The following CCBE1 variants were observed in gnomAD, a reference collection of about 807,000 sequenced individuals.
CCBE1 encodes the protein collagen and calcium binding EGF domains 1, also known as collagen and calcium-binding EGF domain-containing protein 1.
Under a neutral mutation model 50.0 loss-of-function variants are expected in CCBE1, and 37 were observed. The observed-to-expected ratio is 0.74, with a 90% CI of 0.57 to 0.97. The LOEUF (loss-of-function observed/expected upper bound fraction) is 0.97, where lower values mean the gene tolerates loss of function less well. Ranked by LOEUF, CCBE1 falls within the 50% of genes least tolerant of loss-of-function variation. The probability of loss-of-function intolerance (pLI) is 0.00; values close to 1 mark genes in which losing one functional copy is unlikely to be tolerated. For synonymous variants in CCBE1, 234 were observed against 203.7 expected (o/e 1.15, Z -1.27); for missense variants, 538 against 523.8 (o/e 1.03, Z -0.26).
At chr18:59,640,547 A>G (rs1266479219) in intron 2 of CCBE1, among the ~76,000 whole-genome samples, 1 of 152,188 alleles carries the variant, frequency 6.6e-6, no homozygotes, top group Non-Finnish European at 1.5e-5. Flanking sequence ...AATCTAATAA[A>G]TACCATTCTG....
intron 2 of CCBE1, among the ~76,000 whole-genome samples, chr18:59,620,581 T>C (rs2053698806): frequency 6.6e-6 from 1 of 152,188 alleles, no homozygotes; most frequent in Admixed American, 6.5e-5. Flanking sequence ...TCCCATGTGT[T>C]GTGAAAGGGA....
chr18:59,453,708 A>G (rs569911413), intron 6 of CCBE1, among the ~76,000 whole-genome samples: 30 of 152,308 alleles, frequency 2.0e-4, no homozygotes, highest in African/African-American at 6.0e-4. Context: ...TCAACAGGGA[A>G]GATACACCTC....
At chr18:59,628,871 C>A (rs1184834803) in intron 2 of CCBE1, among the ~76,000 whole-genome samples, 1 of 152,172 alleles carries the variant, frequency 6.6e-6, no homozygotes, top group Non-Finnish European at 1.5e-5. Flanking sequence ...GTCCTCACCC[C>A]AAATTAGCAA....
rs566425478 is a variant in CCBE1, at chr18:59,646,667, C to T, written c.212+49962G>A. Among the ~76,000 whole-genome samples, 14 of 152,312 alleles carry T rather than the reference C, an allele frequency of 9.2e-5. No homozygotes were observed. The East Asian group carries it at 1.7e-3, about 19-fold the overall frequency. On this transcript the variant is annotated intron_variant, in intron 2 of 10. Coordinates refer to ENST00000439986, the MANE Select transcript of CCBE1 (RefSeq NM_133459.4). ...AACCTAATACAGTTAAGAATAGCTG[C>T]CCTAGAGGAATAAACACTCCCCATA...
chr18:59,489,115 A>G (rs1912967612), intron 2 of CCBE1, among the ~76,000 whole-genome samples: 1 of 152,198 alleles, frequency 6.6e-6, no homozygotes, highest in Admixed American at 6.5e-5. Flanking sequence ...AGGCTGCTGA[A>G]GCATTTGACT....
intron 2 of CCBE1, among the ~76,000 whole-genome samples, chr18:59,608,933 G>T (rs2053535940): frequency 6.6e-6 from 1 of 152,078 alleles, no homozygotes; most frequent in African/African-American, 2.4e-5. Flanking sequence ...TCCATAATCT[G>T]GCTTCTATCC....
chr18:59,574,460 G>T (rs1479989185), intron 2 of CCBE1, among the ~76,000 whole-genome samples: 2 of 152,192 alleles, frequency 1.3e-5, no homozygotes, highest in African/African-American at 2.4e-5. Flanking sequence ...CACTGTAGTA[G>T]AAATTATATT....
At chr18:59,446,724 C>T (rs1910687965) in intron 7 of CCBE1, among the ~76,000 whole-genome samples, 1 of 152,198 alleles carries the variant, frequency 6.6e-6, no homozygotes. Flanking sequence ...AACCTAAATG[C>T]CGCTGACCAC....
intron 2 of CCBE1, among the ~76,000 whole-genome samples, chr18:59,578,003 G>A (rs1488794986): frequency 6.6e-6 from 1 of 152,110 alleles, no homozygotes; most frequent in African/African-American, 2.4e-5. Flanking sequence ...GCAAAGGAAA[G>A]TATCATCAGA....
At chr18:59,512,309 C>T (rs1330338817) in intron 2 of CCBE1, among the ~76,000 whole-genome samples, 2 of 152,232 alleles carry the variant, frequency 1.3e-5, no homozygotes, top group South Asian at 2.1e-4. Context: ...ATAGCACATG[C>T]CCACTGGGGC....
chr18:59,466,022 A>G (rs1229025467), intron 5 of CCBE1, among the ~76,000 whole-genome samples: 2 of 152,070 alleles, frequency 1.3e-5, no homozygotes, highest in African/African-American at 4.8e-5. Context: ...GGTCCCATTT[A>G]CAATTCATAT....
In CCBE1 at chr18:59,692,796, A is replaced by G. The variant is rs546447292; in HGVS notation, c.212+3833T>C. On this transcript the variant is annotated intron_variant, in intron 2 of 10. Coordinates refer to ENST00000439986, the MANE Select transcript of CCBE1 (RefSeq NM_133459.4). ...CAAGAACACTGCCTCATGAGACAGC[A>G]CGGGCTGGACAGATGAATACCGGCA... is the stretch of plus-strand genomic sequence containing the variant. 2.6e-5 allele frequency among the ~76,000 whole-genome samples: 4 copies of G among 152,268 alleles called. No individual in the cohort carries two copies. The South Asian group carries it at 8.3e-4, about 32-fold the overall frequency.
At chr18:59,642,577 C>A (rs892190175) in intron 2 of CCBE1, among the ~76,000 whole-genome samples, 1 of 152,178 alleles carries the variant, frequency 6.6e-6, no homozygotes, top group Non-Finnish European at 1.5e-5. Flanking sequence ...ATCCAAATGT[C>A]TATCAACATA....
At chr18:59,524,484 G>A (rs922152311) in intron 2 of CCBE1, among the ~76,000 whole-genome samples, 1 of 152,100 alleles carries the variant, frequency 6.6e-6, no homozygotes, top group Non-Finnish European at 1.5e-5. Flanking sequence ...CCTTCAACCA[G>A]AAGGATAGAA....
intron 2 of CCBE1, among the ~76,000 whole-genome samples, chr18:59,551,205 G>A (rs1915918163): frequency 6.6e-6 from 1 of 152,072 alleles, no homozygotes; most frequent in Non-Finnish European, 1.5e-5. Flanking sequence ...TGTGGCCTAT[G>A]CTCTCAGGCT....
intron 2 of CCBE1, among the ~76,000 whole-genome samples, chr18:59,557,308 C>CTT (rs2052668607): frequency 1.3e-5 from 2 of 152,172 alleles, no homozygotes; most frequent in African/African-American, 4.8e-5. Context: ...ACCAGCCCTG[C>CTT]TGATTTGAGG....
intron 2 of CCBE1, among the ~76,000 whole-genome samples, chr18:59,693,426 G>GGGC (rs2054763679): frequency 6.6e-6 from 1 of 152,140 alleles, no homozygotes; most frequent in African/African-American, 2.4e-5. Context: ...GAGGCAGCCA[G>GGGC]GGCTTAACTG....
chr18:59,467,116 C>G lies in CCBE1; in HGVS notation c.401-225G>C, dbSNP rs617924. 0.25 allele frequency among the ~76,000 whole-genome samples: 37,524 copies of G among 152,166 alleles called. 4,836 individuals are homozygous for G. The highest frequency in any genetic ancestry group is 0.34 in the East Asian group (1,737 of 5,176). On this transcript the variant is annotated intron_variant, in intron 4 of 10. Transcript: ENST00000439986. ...TTACAGGCTGATCAGTGATGGGGTT[C>G]CTGGCTGTGGCTCTGCCACTCGCAA...
chr18:59,603,101 A>G (rs908869971), intron 2 of CCBE1, among the ~76,000 whole-genome samples: 9 of 152,212 alleles, frequency 5.9e-5, no homozygotes, highest in Non-Finnish European at 1.2e-4. Flanking sequence ...TAATAGGACA[A>G]TATTTCTTAA....
Sources: allele counts gnomAD v4.1 joint callset (sites outside exome capture counted in the v4.1 genomes callset), GRCh38; gene constraint gnomAD v4.1.1; transcripts MANE v1.5; gene names NCBI Gene and HGNC (gene_info 2026-07-23, HGNC 2026-07-21).